The following TRIM5 variants were observed in gnomAD, a reference collection of about 807,000 sequenced individuals.
TRIM5 encodes tripartite motif-containing protein 5.
Under a neutral mutation model 35.6 loss-of-function variants are expected in TRIM5, and 31 were observed. That is an observed-to-expected ratio of 0.87 (90% confidence interval 0.65 to 1.18). The LOEUF (loss-of-function observed/expected upper bound fraction) is 1.18, where lower values mean the gene tolerates loss of function less well. Ranked by LOEUF, TRIM5 falls within the 50% of genes most tolerant of loss-of-function variation. The pLI, the probability that TRIM5 is intolerant of heterozygous loss-of-function variation, is 0.00. For missense variants in TRIM5, 609 were observed against 591.6 expected (o/e 1.03, Z -0.31); for synonymous variants, 243 against 215.6 (o/e 1.13, Z -1.11).
At chr11:5,603,542 T>C in the TRIM5 span, 1 of 1,613,842 alleles carries the variant, frequency 6.2e-7, no homozygotes, top group South Asian at 1.1e-5. Flanking sequence ...CTGGCCAACA[T>C]AGTGAGGCGG....
Position 5,664,763 on chromosome 11 carries a change from CT to C in TRIM5, c.*45del, listed in dbSNP as rs1564904604. ...ATGAGTTCAGGTGTATGAGATGCAC[CT>C]GGACAAGAGGTGCTGTACAGAAGGG... On this transcript the variant is annotated 3_prime_UTR_variant, in exon 8 of 8. Coordinates refer to ENST00000380034, the MANE Select transcript of TRIM5 (RefSeq NM_033034.3). 6.6e-7 allele frequency: 1 copy of C among 1,523,682 alleles called. No homozygotes were observed. Among genetic ancestry groups the C allele is most frequent in the Non-Finnish European group, 8.8e-7 (1 of 1,140,870 alleles). 94.4% of individuals were successfully genotyped at this position (1,523,682 alleles called of 1,614,324 possible).
At chr11:5,642,977 A>G in the TRIM5 span, 1 of 1,402,490 alleles carries the variant, frequency 7.1e-7, no homozygotes, top group Non-Finnish European at 9.6e-7. Context: ...ACATTTCTCC[A>G]GTGTTTTACC....
chr11:5,638,721 T>C, the TRIM5 span, among the ~76,000 whole-genome samples: 1 of 152,230 alleles, frequency 6.6e-6, no homozygotes, highest in African/African-American at 2.4e-5. Flanking sequence ...TTAGATATTC[T>C]TAGTTACTGG....
chr11:5,641,422 A>C, the TRIM5 span: 2 of 1,069,900 alleles, frequency 1.9e-6, no homozygotes, highest in Non-Finnish European at 2.5e-6. Context: ...ACAGCCAAAA[A>C]GGATATTAAG....
chr11:5,642,928 C>T, the TRIM5 span: 2 of 1,558,150 alleles, frequency 1.3e-6, no homozygotes, highest in African/African-American at 1.4e-5. Flanking sequence ...TGATCTTAGC[C>T]TCATGCATTC....
the TRIM5 span, chr11:5,643,572 G>T: frequency 1.9e-6 from 3 of 1,614,138 alleles, no homozygotes; most frequent in Non-Finnish European, 2.5e-6. Flanking sequence ...AGCAGGCATT[G>T]TCTCATTTTT....
the TRIM5 span, among the ~76,000 whole-genome samples, chr11:5,608,826 A>G: frequency 7.0e-6 from 1 of 142,576 alleles, no homozygotes; most frequent in African/African-American, 2.7e-5. Context: ...CAAAATACAC[A>G]GGAATTTTCT....
At chr11:5,604,492 C>G in the TRIM5 span, 8 of 1,588,678 alleles carry the variant, frequency 5.0e-6, no homozygotes, top group South Asian at 1.2e-5. Context: ...ACTGAGTCAA[C>G]TGAAGGCTTG....
At chr11:5,625,936 G>A in the TRIM5 span, among the ~76,000 whole-genome samples, 99,527 of 152,196 alleles carry the variant, frequency 0.65, 33,204 homozygotes, top group East Asian at 0.92. Flanking sequence ...AGGAGCCCAC[G>A]GATTTAATCT....
chr11:5,635,316 T>C, the TRIM5 span, among the ~76,000 whole-genome samples: 4 of 149,856 alleles, frequency 2.7e-5, no homozygotes, highest in African/African-American at 4.9e-5. Context: ...AGTGCAGTGG[T>C]GCGATCTCGG....
downstream of TRIM5, among the ~76,000 whole-genome samples, chr11:5,660,974 G>GGA (rs533501056): frequency 0.013 from 1,861 of 138,108 alleles, 22 homozygotes; most frequent in Middle Eastern, 0.036. Flanking sequence ...CCCAGGAGGT[G>GGA]GAGGTTGCAG....
chr11:5,631,250 T>C, the TRIM5 span, among the ~76,000 whole-genome samples: 1 of 152,164 alleles, frequency 6.6e-6, no homozygotes, highest in Non-Finnish European at 1.5e-5. Flanking sequence ...TCCCAACTTA[T>C]GTGGTTTCCT....
chr11:5,610,212 C>T, the TRIM5 span: 2 of 1,613,848 alleles, frequency 1.2e-6, no homozygotes, highest in Non-Finnish European at 1.7e-6. Context: ...GTTCCGAGCC[C>T]CAGATCTGAA....
rs1850913652 is a variant in TRIM5, at chr11:5,663,607, T to C, written c.*1202A>G. The C allele has an allele frequency of 1.1e-6, 1 of 951,250 alleles. No individual in the cohort carries two copies. The highest frequency in any genetic ancestry group is 1.8e-5 in the African/African-American group (1 of 56,748). The allele number at this position is 951,250 out of a possible 1,614,324, so 58.9% of individuals were successfully genotyped here. On this transcript the variant is annotated 3_prime_UTR_variant, in exon 8 of 8. Transcript: ENST00000380034. ...ATTTTTTCACAATGATCCAAAGTATTAGATGAAGGTTTTTTGTTTTATTTT... is the reference window on the plus strand; with the variant it reads ...ATTTTTTCACAATGATCCAAAGTATCAGATGAAGGTTTTTTGTTTTATTTT...
At chr11:5,637,722 C>T in the TRIM5 span, among the ~76,000 whole-genome samples, 1 of 152,134 alleles carries the variant, frequency 6.6e-6, no homozygotes. Flanking sequence ...AAACTGTACC[C>T]ATTAAAAAAC....
chr11:5,604,450 G>T, the TRIM5 span: 2 of 1,433,472 alleles, frequency 1.4e-6, no homozygotes, highest in South Asian at 1.6e-5. Context: ...GAGGTTAGCA[G>T]AATCTCTGTC....
chr11:5,680,412 T>G (rs534399455), intron 1 of TRIM5, among the ~76,000 whole-genome samples, 174 bp from the exon 2 acceptor site: 1 of 152,368 alleles, frequency 6.6e-6, no homozygotes, highest in South Asian at 2.1e-4. Context: ...ATAATCACCT[T>G]AAATACTTTA....
chr11:5,674,778 G>A (rs1044776488), intron 4 of TRIM5, among the ~76,000 whole-genome samples: 2 of 152,198 alleles, frequency 1.3e-5, no homozygotes, highest in Admixed American at 6.5e-5. Flanking sequence ...TTTAAGTAAA[G>A]TAAGTCAGGA....
At chr11:5,590,427 T>C in the TRIM5 span, 17 of 152,406 alleles carry the variant, frequency 1.1e-4, no homozygotes, top group African/African-American at 4.1e-4. Flanking sequence ...TAGCTCAAGG[T>C]AAACACACCA....
Sources: allele counts gnomAD v4.1 joint callset (sites outside exome capture counted in the v4.1 genomes callset), GRCh38; gene constraint gnomAD v4.1.1; transcripts MANE v1.5; gene names NCBI Gene and HGNC (gene_info 2026-07-23, HGNC 2026-07-21).